Variants in PRICKLE2 observed in about 807,000 individuals in gnomAD.
The protein encoded by PRICKLE2 is prickle-like protein 2.
PRICKLE2 carries 21 observed loss-of-function variants against 81.4 expected under a neutral mutation model. That is an observed-to-expected ratio of 0.26 (90% CI 0.18 to 0.37). PRICKLE2 has a LOEUF of 0.37. Ranked by LOEUF, PRICKLE2 falls within the 10% of genes least tolerant of loss-of-function variation. PRICKLE2 has a pLI of 1.00. For missense variants in PRICKLE2, 940 were observed against 1,109.0 expected (o/e 0.85, Z 2.16); for synonymous variants, 456 against 421.5 (o/e 1.08, Z -1.00).
At chr3:64,127,692 T>C (rs2077130619) in intron 7 of PRICKLE2, among the ~76,000 whole-genome samples, 1 of 151,784 alleles carries the variant, frequency 6.6e-6, no homozygotes, top group Admixed American at 6.6e-5. Flanking sequence ...TCTCAGGGCA[T>C]CCTCAGCCCT....
At chr3:64,195,979 A>C (rs1274789202) in intron 2 of PRICKLE2, among the ~76,000 whole-genome samples, 1 of 152,222 alleles carries the variant, frequency 6.6e-6, no homozygotes, top group African/African-American at 2.4e-5. Context: ...CTTTCATTTG[A>C]CATAATTCAA....
At chr3:64,194,631 C>T (rs953136576) in intron 2 of PRICKLE2, among the ~76,000 whole-genome samples, 1 of 152,190 alleles carries the variant, frequency 6.6e-6, no homozygotes, top group Non-Finnish European at 1.5e-5. Flanking sequence ...ATCTGCCCTT[C>T]TTATAGCTTG....
intron 2 of PRICKLE2, among the ~76,000 whole-genome samples, chr3:64,265,511 C>T (rs904916328): frequency 3.3e-5 from 5 of 152,162 alleles, no homozygotes; most frequent in Non-Finnish European, 7.3e-5. Flanking sequence ...AGAAAAACAG[C>T]CTGGGGAGCA....
At chr3:64,256,361 A>G (rs704403) in intron 2 of PRICKLE2, among the ~76,000 whole-genome samples, 30,836 of 152,088 alleles carry the variant, frequency 0.2, 3,975 homozygotes, top group African/African-American at 0.38. Flanking sequence ...GAAAGGTTAT[A>G]CTCAATTATT....
rs570178810 is a variant in PRICKLE2, at chr3:64,203,969, T to G, written c.-40-5002A>C. 1.2e-4 allele frequency among the ~76,000 whole-genome samples: 18 copies of G among 151,888 alleles called. No homozygotes were observed. In the South Asian group the frequency reaches 2.1e-3, roughly 18 times the overall value. On this transcript the variant is annotated intron_variant, in intron 1 of 7. Coordinates refer to ENST00000638394, the MANE Select transcript of PRICKLE2 (RefSeq NM_198859.4). Reference sequence around the variant, plus strand: ...CTCCAGCCTGGGTGACAGAGCGAGATGCTGTCTCAACACACACACACACAC... The same window carrying G: ...CTCCAGCCTGGGTGACAGAGCGAGAGGCTGTCTCAACACACACACACACAC...
rs1413549451 is a variant in PRICKLE2, at chr3:64,098,516, A to C, written c.*535T>G. On this transcript the variant is annotated 3_prime_UTR_variant, in exon 8 of 8. Transcript: ENST00000638394. Reference sequence around the variant, plus strand: ...AAAGGTGGTACCGGGCCACATTTCAATACTACTCAGAGACAATGGTGGATG... The same window carrying C: ...AAAGGTGGTACCGGGCCACATTTCACTACTACTCAGAGACAATGGTGGATG... 1 of 152,992 alleles carries C rather than the reference A, an allele frequency of 6.5e-6. No individual in the cohort carries two copies. The highest frequency in any genetic ancestry group is 1.5e-5 in the Non-Finnish European group (1 of 68,632). 9.5% of individuals were successfully genotyped at this position (152,992 alleles called of 1,614,324 possible). A position where few individuals can be genotyped will look rare whatever the true frequency, so the allele number is the denominator to read the frequency against.
intron 2 of PRICKLE2, among the ~76,000 whole-genome samples, chr3:64,178,969 T>TTCTTTCTTTCTTTCTTTC (rs1184215473): frequency 7.6e-5 from 4 of 52,684 alleles, no homozygotes; most frequent in Admixed American, 6.2e-4. Flanking sequence ...CATATTTTCT[T>TTCTTTCTTTCTTTCTTTC]TCTTTCTTTC....
intron 2 of PRICKLE2, among the ~76,000 whole-genome samples, chr3:64,197,426 T>G (rs1486075524): frequency 7.2e-5 from 11 of 152,206 alleles, no homozygotes; most frequent in Admixed American, 7.2e-4. Flanking sequence ...TTTGCCCACT[T>G]TTTAATGGGA....
At chr3:64,185,103 T>C (rs536314186) in intron 2 of PRICKLE2, among the ~76,000 whole-genome samples, 1 of 152,214 alleles carries the variant, frequency 6.6e-6, no homozygotes, top group African/African-American at 2.4e-5. Context: ...ATATTGTCCT[T>C]GGGAACATAC....
At chr3:64,177,539 CAG>C (rs1232480701) in intron 2 of PRICKLE2, among the ~76,000 whole-genome samples, 1 of 152,124 alleles carries the variant, frequency 6.6e-6, no homozygotes, top group Non-Finnish European at 1.5e-5. Flanking sequence ...TCATGTTAAA[CAG>C]AAACTCTACA....
rs546576378 is a variant in PRICKLE2 at position 64,179,324 on chromosome 3, C to T, written c.145-16195G>A. 5.3e-5 allele frequency among the ~76,000 whole-genome samples: 8 copies of T among 152,236 alleles called. No individual in the cohort carries two copies. The South Asian group carries it at 1.7e-3, about 32-fold the overall frequency. Reference sequence around the variant, plus strand: ...CTCACTACCTCAGGTGATCCGCCTGCCTCAGCCTCCCAAAGTTCTGGGATT... The same window carrying T: ...CTCACTACCTCAGGTGATCCGCCTGTCTCAGCCTCCCAAAGTTCTGGGATT... On this transcript the variant is annotated intron_variant, in intron 2 of 7. Coordinates refer to ENST00000638394, the MANE Select transcript of PRICKLE2 (RefSeq NM_198859.4).
chr3:64,189,992 C>T (rs909490888), intron 2 of PRICKLE2, among the ~76,000 whole-genome samples: 13 of 152,270 alleles, frequency 8.5e-5, no homozygotes, highest in African/African-American at 1.4e-4. Flanking sequence ...TGGCAAGCAC[C>T]GAGCACTGCA....
intron 3 of PRICKLE2, among the ~76,000 whole-genome samples, chr3:64,162,021 AG>A (rs2077743483): frequency 6.6e-6 from 1 of 152,146 alleles, no homozygotes; most frequent in South Asian, 2.1e-4. Flanking sequence ...TCAGTTTTAA[AG>A]TTTTTGTCCT....
At chr3:64,139,480 A>T (rs2077327789) in intron 7 of PRICKLE2, among the ~76,000 whole-genome samples, 1 of 152,182 alleles carries the variant, frequency 6.6e-6, no homozygotes, top group African/African-American at 2.4e-5. Context: ...CTTTGCCATT[A>T]ACCTTCACCT....
intron 1 of PRICKLE2, among the ~76,000 whole-genome samples, chr3:64,213,941 C>T (rs1387266444): frequency 1.3e-5 from 2 of 152,150 alleles, no homozygotes; most frequent in African/African-American, 4.8e-5. Flanking sequence ...CCATGTAAAA[C>T]AAGATGTGCT....
chr3:64,151,710 A>G (rs1245258584), intron 6 of PRICKLE2, among the ~76,000 whole-genome samples: 2 of 152,250 alleles, frequency 1.3e-5, no homozygotes, highest in Non-Finnish European at 2.9e-5. Context: ...TTTCCCTGAC[A>G]CTGTCCTACC....
chr3:64,172,348 AC>A (rs2077946814), intron 2 of PRICKLE2, among the ~76,000 whole-genome samples: 1 of 152,242 alleles, frequency 6.6e-6, no homozygotes, highest in Non-Finnish European at 1.5e-5. Context: ...CAGTTTCAAT[AC>A]TGCCTTTAGA....
chr3:64,141,058 A>C (rs2077353855), intron 7 of PRICKLE2, among the ~76,000 whole-genome samples: 1 of 152,236 alleles, frequency 6.6e-6, no homozygotes, highest in Non-Finnish European at 1.5e-5. Flanking sequence ...ACCCATATGT[A>C]AAATGGGTAT....
chr3:64,123,444 G>T (rs2077059979), intron 7 of PRICKLE2, among the ~76,000 whole-genome samples: 1 of 152,218 alleles, frequency 6.6e-6, no homozygotes, highest in Non-Finnish European at 1.5e-5. Flanking sequence ...TTAGATTAGT[G>T]ATGCTCAACT....
Sources: gnomAD v4.1 joint callset for allele counts (sites outside exome capture counted in the v4.1 genomes callset) on GRCh38, gnomAD v4.1.1 for gene constraint, MANE v1.5 for transcripts, NCBI Gene and HGNC (gene_info 2026-07-23, HGNC 2026-07-21) for gene names.